The following STXBP5 variants were observed in gnomAD, a reference collection of about 807,000 sequenced individuals.
STXBP5 encodes syntaxin-binding protein 5.
Under a neutral mutation model 152.4 loss-of-function variants are expected in STXBP5, and 50 were observed. That is an observed-to-expected ratio of 0.33 (90% CI 0.26 to 0.42). STXBP5 has a LOEUF of 0.42. Among genes scored for constraint, STXBP5 ranks in the 10% least tolerant of loss-of-function variants. STXBP5 has a pLI of 1.00. For missense variants in STXBP5, 1,167 were observed against 1,388.6 expected (o/e 0.84, Z 2.54); for synonymous variants, 492 against 494.7 (o/e 0.99, Z 0.07).
At chr6:147,320,521 A>G (rs539584321) in intron 16 of STXBP5, among the ~76,000 whole-genome samples, 1 of 151,178 alleles carries the variant, frequency 6.6e-6, no homozygotes, top group East Asian at 2.0e-4. Flanking sequence ...AGAAAATACA[A>G]CAGATGTGGA....
Position 147,235,342 on chromosome 6 carries a change from T to G in STXBP5, c.330+11T>G. ...TTCCTGATTAATGAGGTTAGTGAATTGTTTTAATCATTTCTACTTATATCC... is the reference window on the plus strand; with the variant it reads ...TTCCTGATTAATGAGGTTAGTGAATGGTTTTAATCATTTCTACTTATATCC... On this transcript the variant is annotated intron_variant, in intron 3 of 27. Transcript: ENST00000321680. 1 of 1,608,326 alleles carries G rather than the reference T, an allele frequency of 6.2e-7. No individual in the cohort carries two copies. The highest frequency in any genetic ancestry group is 8.5e-7 in the Non-Finnish European group (1 of 1,176,324).
chr6:147,288,288 C>G (rs1781096677), intron 8 of STXBP5, among the ~76,000 whole-genome samples: 1 of 152,156 alleles, frequency 6.6e-6, no homozygotes, highest in Admixed American at 6.6e-5. Flanking sequence ...CAGGTTCACA[C>G]AAAATGTTGA....
chr6:147,314,525 A>T, intron 13 of STXBP5, 71 bp from the exon 14 acceptor site: 1 of 1,502,460 alleles, frequency 6.7e-7, no homozygotes, highest in Non-Finnish European at 9.1e-7. Context: ...TGACTTTTTA[A>T]TAGCAGTACC....
chr6:147,261,418 T>C (rs1779632968), intron 5 of STXBP5, among the ~76,000 whole-genome samples: 1 of 152,042 alleles, frequency 6.6e-6, no homozygotes, highest in African/African-American at 2.4e-5. Context: ...TTCTGGGACA[T>C]AAAAATCAAA....
At chr6:147,249,219 C>A (rs1778968414) in intron 4 of STXBP5, among the ~76,000 whole-genome samples, 1 of 151,812 alleles carries the variant, frequency 6.6e-6, no homozygotes, top group Non-Finnish European at 1.5e-5. Flanking sequence ...TTCTTTTAAG[C>A]CATTAAATTT....
chr6:147,207,059 A>G (rs1225605611), intron 2 of STXBP5, among the ~76,000 whole-genome samples: 1 of 152,150 alleles, frequency 6.6e-6, no homozygotes, highest in Non-Finnish European at 1.5e-5. Context: ...AAGAAAAGAA[A>G]TATACGATAG....
intron 9 of STXBP5, among the ~76,000 whole-genome samples, chr6:147,305,635 C>CT (rs1782051846): frequency 6.6e-6 from 1 of 152,016 alleles, no homozygotes; most frequent in Admixed American, 6.6e-5. Context: ...TTCTATTAGA[C>CT]TTTTCAAATT....
chr6:147,300,529 C>T (rs1781753529), intron 9 of STXBP5, among the ~76,000 whole-genome samples: 1 of 151,842 alleles, frequency 6.6e-6, no homozygotes, highest in African/African-American at 2.4e-5. Flanking sequence ...CAGTTGATTT[C>T]CAAGAAAGAT....
At chr6:147,338,477 A>G (rs1783937610) in intron 19 of STXBP5, among the ~76,000 whole-genome samples, 1 of 151,984 alleles carries the variant, frequency 6.6e-6, no homozygotes. Context: ...AATAAAAGAT[A>G]TGTTATAAAT....
chr6:147,338,224 C>T (rs936411575), intron 19 of STXBP5, among the ~76,000 whole-genome samples: 1 of 152,012 alleles, frequency 6.6e-6, no homozygotes, highest in Non-Finnish European at 1.5e-5. Flanking sequence ...CAAATGTGGG[C>T]CCTGCCTTTT....
rs374695885 is a variant in STXBP5 at position 147,255,054 on chromosome 6, C to T, written c.432-5561C>T. On this transcript the variant is annotated intron_variant, in intron 4 of 27. Coordinates refer to ENST00000321680, the MANE Select transcript of STXBP5 (RefSeq NM_001127715.4). ...GCAGTACTATTCACAATAGTAAAGACGTGGAACCAACCCAAATGCCTATCA... is the reference window on the plus strand; with the variant it reads ...GCAGTACTATTCACAATAGTAAAGATGTGGAACCAACCCAAATGCCTATCA... 1.4e-4 allele frequency among the ~76,000 whole-genome samples: 22 copies of T among 152,266 alleles called. No individual in the cohort carries two copies. In the South Asian group the frequency reaches 2.3e-3, roughly 16 times the overall value.
chr6:147,385,609 G>T lies in STXBP5; in HGVS notation c.*854G>T. 6.6e-6 allele frequency: 1 copy of T among 152,060 alleles called. No individual in the cohort carries two copies. Among genetic ancestry groups the T allele is most frequent in the Middle Eastern group, 3.2e-3 (1 of 316 alleles). The allele number at this position is 152,060 out of a possible 1,614,324, so 9.4% of individuals were successfully genotyped here. A position where few individuals can be genotyped will look rare whatever the true frequency, so the allele number is the denominator to read the frequency against. On this transcript the variant is annotated 3_prime_UTR_variant, in exon 28 of 28. Transcript: ENST00000321680. ...CATTAATTCAGCTAAAGGTGGATTT[G>T]ACCAAAATAATGCTGGTTAAATTTG...
Position 147,382,841 on chromosome 6 carries a change from G to A in STXBP5, c.3257G>A (p.Gly1086Asp). 1.2e-6 allele frequency: 2 copies of A among 1,613,570 alleles called. No individual in the cohort carries two copies. The highest frequency in any genetic ancestry group is 1.7e-6 in the Non-Finnish European group (2 of 1,179,676). ...SLAQHIPGPG[G>D]IEGVKGAASG... The stretch of plus-strand genomic sequence containing the variant: ...GCACAGCATATTCCTGGCCCTGGTG[G>A]CATTGAAGGCGTAAAAGGGGCAGCA... The change falls in exon 27 of 28, where the codon GGC becomes GAC. Residue 1086 changes from glycine to aspartate, a missense_variant. Physicochemically the swap from Gly to Asp is moderately conservative, Grantham distance 94. Transcript: ENST00000321680.
intron 25 of STXBP5, among the ~76,000 whole-genome samples, chr6:147,372,485 A>G (rs1332040818): frequency 3.6e-5 from 4 of 110,788 alleles, no homozygotes; most frequent in Non-Finnish European, 5.0e-5. Context: ...CCCAGGCTGG[A>G]GTGCAGTGGT....
chr6:147,330,662 C>G (rs1359052519), intron 18 of STXBP5, among the ~76,000 whole-genome samples: 19 of 152,098 alleles, frequency 1.2e-4, no homozygotes, highest in Admixed American at 1.2e-3. Flanking sequence ...ATCAATTTTA[C>G]TTTTTTAATC....
chr6:147,265,877 T>C (rs1339326384), intron 6 of STXBP5, among the ~76,000 whole-genome samples: 2 of 151,734 alleles, frequency 1.3e-5, no homozygotes, highest in African/African-American at 4.8e-5. Context: ...TAAGGAAAAG[T>C]CCATTATTAT....
Position 147,382,852 on chromosome 6 carries a change from G to T in STXBP5, c.3268G>T (p.Val1090Leu). 6.2e-7 allele frequency: 1 copy of T among 1,613,552 alleles called. No homozygotes were observed. The highest frequency in any genetic ancestry group is 2.2e-5 in the East Asian group (1 of 44,852). The change falls in exon 27 of 28, where the codon GTA becomes TTA. Residue 1090 changes from valine to leucine, a missense_variant. This residue lies in a region of STXBP5 where 833 missense variants were observed against 986.3 expected (regional missense o/e 0.84). Transcript: ENST00000321680. ...TCCTGGCCCTGGTGGCATTGAAGGC[G>T]TAAAAGGGGCAGCATCTGGAGTTGT... is the stretch of plus-strand genomic sequence containing the variant. ...HIPGPGGIEG[V>L]KGAASGVVGE...
chr6:147,323,356 C>T lies in STXBP5; in HGVS notation c.1803-1603C>T, dbSNP rs114397418. ...CTATGTTCACCAAATTAATCTTCCC[C>T]AGATATTTCTTATCAACCTTCATTG... On this transcript the variant is annotated intron_variant, in intron 16 of 27. Transcript: ENST00000321680. Among the ~76,000 whole-genome samples the T allele has an allele frequency of 8.1e-3, 1,240 of 152,228 alleles. 20 individuals are homozygous for T. The highest frequency in any genetic ancestry group is 0.029 in the African/African-American group (1,190 of 41,542).
intron 16 of STXBP5, among the ~76,000 whole-genome samples, chr6:147,318,622 A>T (rs1208470140): frequency 6.6e-6 from 1 of 152,178 alleles, no homozygotes; most frequent in Non-Finnish European, 1.5e-5. Context: ...ATGGAATGTC[A>T]CTTAATATAA....
Sources: allele counts gnomAD v4.1 joint callset (sites outside exome capture counted in the v4.1 genomes callset), GRCh38; gene constraint gnomAD v4.1.1; regional missense constraint gnomAD v4.1.1; transcripts MANE v1.5; gene names NCBI Gene and HGNC (gene_info 2026-07-23, HGNC 2026-07-21).